Variants in BNC2 observed in about 807,000 individuals in gnomAD.
BNC2 encodes the protein basonuclin zinc finger protein 2, also known as zinc finger protein basonuclin-2.
BNC2 carries 20 observed loss-of-function variants against 76.3 expected under a neutral mutation model. That is an observed-to-expected ratio of 0.26 (90% CI 0.18 to 0.38). The LOEUF is 0.38. Ranked by LOEUF, BNC2 falls within the 10% of genes least tolerant of loss-of-function variation. BNC2 has a pLI of 1.00. For missense variants in BNC2, 1,382 were observed against 1,399.8 expected (o/e 0.99, Z 0.20); for synonymous variants, 582 against 514.8 (o/e 1.13, Z -1.77).
chr9:16,448,473 G>C (rs1821272645), intron 5 of BNC2, among the ~76,000 whole-genome samples: 1 of 152,104 alleles, frequency 6.6e-6, no homozygotes, highest in African/African-American at 2.4e-5. Flanking sequence ...TATTGGTATA[G>C]AACTTCCAAA....
intron 5 of BNC2, among the ~76,000 whole-genome samples, chr9:16,517,723 T>TC (rs1411742186): frequency 2.6e-5 from 4 of 152,194 alleles, no homozygotes; most frequent in Non-Finnish European, 5.9e-5. Flanking sequence ...ATCATATCAT[T>TC]CATTTCATTT....
At chr9:16,553,888 G>C (rs1213233160) in intron 4 of BNC2, among the ~76,000 whole-genome samples, 1 of 152,136 alleles carries the variant, frequency 6.6e-6, no homozygotes, top group African/African-American at 2.4e-5. Flanking sequence ...AGATTAGTGA[G>C]ATAACGAGTG....
At chr9:16,839,092 A>C (rs1017585501) in intron 1 of BNC2, among the ~76,000 whole-genome samples, 26 of 152,370 alleles carry the variant, frequency 1.7e-4, no homozygotes, top group African/African-American at 4.8e-4. Context: ...AGTTTCTAAC[A>C]GAGTTTCCAA....
chr9:16,664,082 A>C lies in BNC2; in HGVS notation c.330+63715T>G, dbSNP rs543610402. On this transcript the variant is annotated intron_variant, in intron 3 of 6. Transcript: ENST00000380672. ...TTCCACCTTTATCCTGCTTCTCGAA[A>C]TAATAGGCCTTTATTCCTCCTGTTT... is the stretch of plus-strand genomic sequence containing the variant. Among the ~76,000 whole-genome samples the C allele has an allele frequency of 3.3e-5, 5 of 152,276 alleles. No homozygotes were observed. The East Asian group carries it at 7.7e-4, about 24-fold the overall frequency.
At chr9:16,607,909 A>T (rs28733737) in intron 3 of BNC2, among the ~76,000 whole-genome samples, 26,691 of 152,160 alleles carry the variant, frequency 0.18, 4,391 homozygotes, top group African/African-American at 0.43. Context: ...CAGTTTTTAA[A>T]GAGTAAGACA....
intron 3 of BNC2, among the ~76,000 whole-genome samples, chr9:16,616,836 G>GAAGGAAGGAAGGAAGGAAGTAAGT (rs796264760): frequency 1.3e-5 from 2 of 150,320 alleles, no homozygotes; most frequent in South Asian, 2.1e-4. Context: ...AGGAAGGAAG[G>GAAGGAAGGAAGGAAGGAAGTAAGT]AAGTTCTACT....
At chr9:16,660,315 G>T (rs753894741) in intron 3 of BNC2, among the ~76,000 whole-genome samples, 1 of 152,124 alleles carries the variant, frequency 6.6e-6, no homozygotes, top group Non-Finnish European at 1.5e-5. Flanking sequence ...TTAACCAGGC[G>T]TGGTGGCACA....
chr9:16,833,793 A>G (rs1463547390), intron 1 of BNC2, among the ~76,000 whole-genome samples: 1 of 152,026 alleles, frequency 6.6e-6, no homozygotes, highest in Admixed American at 6.6e-5. Flanking sequence ...AAACCTCCTC[A>G]TTTCATTTAG....
chr9:16,444,028 C>G (rs1393937226), intron 5 of BNC2, among the ~76,000 whole-genome samples: 1 of 152,196 alleles, frequency 6.6e-6, no homozygotes, highest in Non-Finnish European at 1.5e-5. Flanking sequence ...CTCTCACACA[C>G]ATAACTCAAC....
chr9:16,750,495 T>C (rs936807874), intron 1 of BNC2, among the ~76,000 whole-genome samples: 2 of 152,206 alleles, frequency 1.3e-5, no homozygotes, highest in African/African-American at 4.8e-5. Flanking sequence ...ACATCATCTA[T>C]ACATTTGACC....
At chr9:16,831,334 T>G (rs1230235880) in intron 1 of BNC2, among the ~76,000 whole-genome samples, 1 of 152,246 alleles carries the variant, frequency 6.6e-6, no homozygotes, top group African/African-American at 2.4e-5. Flanking sequence ...TGAGCTTCAA[T>G]GACCATTTTC....
chr9:16,569,430 C>A (rs79794192), intron 4 of BNC2, among the ~76,000 whole-genome samples: 3,110 of 152,042 alleles, frequency 0.02, 126 homozygotes, highest in African/African-American at 0.07. Context: ...ATATAAACAC[C>A]CACAATTAGT....
chr9:16,734,973 T>A (rs1295140588), intron 2 of BNC2, among the ~76,000 whole-genome samples: 1 of 152,144 alleles, frequency 6.6e-6, no homozygotes, highest in Non-Finnish European at 1.5e-5. Flanking sequence ...CTGTACCAAC[T>A]AAAACAATCA....
intron 1 of BNC2, 30 bp from the exon 2 acceptor site, chr9:16,738,515 T>C (rs1824747370): frequency 2.5e-6 from 4 of 1,612,266 alleles, no homozygotes; most frequent in South Asian, 2.2e-5. Context: ...GGAAATTACA[T>C]ATGCCCAGAC....
chr9:16,748,196 T>C (rs916921387), intron 1 of BNC2, among the ~76,000 whole-genome samples: 4 of 152,172 alleles, frequency 2.6e-5, no homozygotes. Context: ...GGGGCTAAGC[T>C]ATTGCTAGAA....
intron 6 of BNC2, among the ~76,000 whole-genome samples, chr9:16,434,600 CA>C (rs1230590336): frequency 2.2e-4 from 33 of 152,172 alleles, no homozygotes; most frequent in Admixed American, 2.2e-3. Context: ...CTTATCTGAA[CA>C]AATGCAGGAT....
chr9:16,455,575 G>A (rs147253486), intron 5 of BNC2, among the ~76,000 whole-genome samples: 4,429 of 152,236 alleles, frequency 0.029, 188 homozygotes, highest in East Asian at 0.12. Context: ...TGGATCACCT[G>A]AGGTCAGGAG....
intron 1 of BNC2, among the ~76,000 whole-genome samples, chr9:16,856,975 C>T (rs1482023156): frequency 6.6e-6 from 1 of 152,170 alleles, no homozygotes. Context: ...CCTCCAACCA[C>T]ATAAGATGCC....
intron 3 of BNC2, among the ~76,000 whole-genome samples, chr9:16,702,538 T>TAAAAA (rs35763446): frequency 7.2e-6 from 1 of 138,406 alleles, no homozygotes; most frequent in African/African-American, 2.7e-5. Flanking sequence ...TTTCTTTACT[T>TAAAAA]AAAAAAAAAA....
Sources: gnomAD v4.1 joint callset for allele counts (sites outside exome capture counted in the v4.1 genomes callset) on GRCh38, gnomAD v4.1.1 for gene constraint, MANE v1.5 for transcripts, NCBI Gene and HGNC (gene_info 2026-07-23, HGNC 2026-07-21) for gene names.